The following SYNDIG1L variants were observed in gnomAD, a reference collection of about 807,000 sequenced individuals.
SYNDIG1L encodes the protein synapse differentiation-inducing gene protein 1-like.
In SYNDIG1L, 13 loss-of-function variants were observed where a neutral mutation model predicts 20.1. That is an observed-to-expected ratio of 0.65 (90% CI 0.42 to 1.03). The LOEUF is 1.03. SYNDIG1L is among the 50% of genes least tolerant of loss of function. The pLI is 0.00. For synonymous variants in SYNDIG1L, 128 were observed against 129.3 expected, an observed-to-expected ratio of 0.99 and a Z score of 0.07; for missense variants, 294 against 305.1, an observed-to-expected ratio of 0.96 and a Z score of 0.27.
chr14:74,427,756 C>T (rs1184971640), upstream of SYNDIG1L, among the ~76,000 whole-genome samples: 4 of 152,086 alleles, frequency 2.6e-5, no homozygotes, highest in South Asian at 6.2e-4. Context: ...GACATACAGA[C>T]ACACACACAA....
chr14:74,440,576 T>C, the SYNDIG1L span, among the ~76,000 whole-genome samples: 5 of 142,714 alleles, frequency 3.5e-5, no homozygotes, highest in Admixed American at 3.5e-4. Context: ...TCCCAGCTAC[T>C]CGGGAGGCTA....
At chr14:74,440,101 T>C in the SYNDIG1L span, among the ~76,000 whole-genome samples, 1,129 of 151,816 alleles carry the variant, frequency 7.4e-3, 19 homozygotes, top group African/African-American at 0.025. Context: ...CATCTCGGGC[T>C]GGGCGCGGTG....
the SYNDIG1L span, among the ~76,000 whole-genome samples, chr14:74,456,794 G>T: frequency 6.6e-6 from 1 of 151,998 alleles, no homozygotes; most frequent in Non-Finnish European, 1.5e-5. Context: ...TCCTAGTAGG[G>T]CCACCTTGGC....
the SYNDIG1L span, among the ~76,000 whole-genome samples, chr14:74,466,668 G>C: frequency 6.6e-6 from 1 of 152,130 alleles, no homozygotes; most frequent in African/African-American, 2.4e-5. Flanking sequence ...GGCTCCACAG[G>C]TCTCCCCTCC....
intron 1 of SYNDIG1L, among the ~76,000 whole-genome samples, chr14:74,419,573 A>G (rs1228889644): frequency 6.6e-6 from 1 of 152,254 alleles, no homozygotes; most frequent in African/African-American, 2.4e-5. Context: ...GGTTGCAAAA[A>G]TAAACCAGAA....
At chr14:74,442,127 T>TA in the SYNDIG1L span, among the ~76,000 whole-genome samples, 1 of 152,176 alleles carries the variant, frequency 6.6e-6, no homozygotes, top group South Asian at 2.1e-4. Context: ...CTTTTTTTTT[T>TA]ATCCATTCAT....
the SYNDIG1L span, among the ~76,000 whole-genome samples, chr14:74,445,454 TTGTGTGTGTGTGTGTG>T: frequency 2.0e-5 from 3 of 147,764 alleles, no homozygotes; most frequent in South Asian, 2.2e-4. Context: ...GTATTAAAAT[TTGTGTGTGTGTGTGTG>T]TGTGTGTGTG....
chr14:74,449,460 A>AAAAAAAAAAAAAAAAAC, the SYNDIG1L span, among the ~76,000 whole-genome samples: 1 of 144,746 alleles, frequency 6.9e-6, no homozygotes, highest in Non-Finnish European at 1.5e-5. Flanking sequence ...AAAAAAAAAA[A>AAAAAAAAAAAAAAAAAC]AAAAAGCCAG....
At chr14:74,476,352 T>C in the SYNDIG1L span, 1 of 689,006 alleles carries the variant, frequency 1.5e-6, no homozygotes, top group Non-Finnish European at 2.6e-6. Context: ...CCTTACCCAC[T>C]GGCAGTCAGA....
the SYNDIG1L span, among the ~76,000 whole-genome samples, chr14:74,451,722 T>A: frequency 1.3e-5 from 2 of 152,232 alleles, no homozygotes; most frequent in African/African-American, 4.8e-5. Context: ...CCGGGTACGG[T>A]GGCTCATGCC....
At chr14:74,416,116 G>GATT (rs56967545) in intron 1 of SYNDIG1L, among the ~76,000 whole-genome samples, 15,252 of 151,952 alleles carry the variant, frequency 0.1, 1,789 homozygotes, top group African/African-American at 0.28. Context: ...GGACTTTAAG[G>GATT]AATGTCAGAA....
the SYNDIG1L span, among the ~76,000 whole-genome samples, chr14:74,472,550 C>T: frequency 6.6e-6 from 1 of 152,192 alleles, no homozygotes; most frequent in Non-Finnish European, 1.5e-5. Context: ...CCAAAGATGC[C>T]TTCAAGGGAC....
At chr14:74,421,068 A>G (rs2086217264) in intron 1 of SYNDIG1L, among the ~76,000 whole-genome samples, 1 of 152,206 alleles carries the variant, frequency 6.6e-6, no homozygotes, top group Non-Finnish European at 1.5e-5. Context: ...AAATGACCCA[A>G]TAAGATCCCA....
At chr14:74,476,215 A>G in the SYNDIG1L span, 1 of 579,166 alleles carries the variant, frequency 1.7e-6, no homozygotes, top group South Asian at 2.0e-5. Flanking sequence ...AGAGCAATGC[A>G]TTTCTCCAGC....
chr14:74,434,018 G>A, the SYNDIG1L span, among the ~76,000 whole-genome samples: 1 of 152,052 alleles, frequency 6.6e-6, no homozygotes, highest in African/African-American at 2.4e-5. Flanking sequence ...CTTATGTTAT[G>A]AAATGAAGTG....
At chr14:74,466,787 T>A in the SYNDIG1L span, among the ~76,000 whole-genome samples, 2 of 152,166 alleles carry the variant, frequency 1.3e-5, no homozygotes, top group Non-Finnish European at 2.9e-5. Context: ...AACCACTGGG[T>A]TAAACAACCT....
At chr14:74,466,347 T>G in the SYNDIG1L span, among the ~76,000 whole-genome samples, 2 of 152,010 alleles carry the variant, frequency 1.3e-5, no homozygotes, top group African/African-American at 4.8e-5. Context: ...GGTGGGTGGA[T>G]AGATGGATGG....
chr14:74,466,484 G>T, the SYNDIG1L span, among the ~76,000 whole-genome samples: 1 of 152,164 alleles, frequency 6.6e-6, no homozygotes, highest in Non-Finnish European at 1.5e-5. Flanking sequence ...TTAGGCAAAT[G>T]ACTTCCCCTC....
At chr14:74,436,133 T>C in the SYNDIG1L span, among the ~76,000 whole-genome samples, 6 of 152,154 alleles carry the variant, frequency 3.9e-5, no homozygotes, top group Non-Finnish European at 5.9e-5. Flanking sequence ...TAAGGACAAA[T>C]ACATATATGT....
Sources: allele counts gnomAD v4.1 joint callset (sites outside exome capture counted in the v4.1 genomes callset), GRCh38; gene constraint gnomAD v4.1.1; transcripts MANE v1.5; gene names NCBI Gene and HGNC (gene_info 2026-07-23, HGNC 2026-07-21).